The following ATP8A2 variants were observed in gnomAD, a reference collection of about 807,000 sequenced individuals.
ATP8A2 encodes the protein ATPase phospholipid transporting 8A2.
ATP8A2 carries 100 observed loss-of-function variants against 165.6 expected under a neutral mutation model. The ratio of observed to expected loss-of-function variants is 0.60; its 90% CI spans 0.51 to 0.71. ATP8A2 has a LOEUF of 0.71. Ranked by LOEUF, ATP8A2 falls within the 30% of genes least tolerant of loss-of-function variation. The pLI, the probability that ATP8A2 is intolerant of heterozygous loss-of-function variation, is 0.00. For synonymous variants in ATP8A2, 543 were observed against 548.8 expected (o/e 0.99, Z 0.15); for missense variants, 1,227 against 1,479.5 (o/e 0.83, Z 2.80).
chr13:25,570,495 G>C (rs1260054359), intron 16 of ATP8A2, among the ~76,000 whole-genome samples: 4 of 152,200 alleles, frequency 2.6e-5, no homozygotes, highest in Non-Finnish European at 1.5e-5. Flanking sequence ...GTACAGGAAG[G>C]CTCTTTCGTC....
chr13:25,622,773 C>T (rs2041004140), intron 24 of ATP8A2, among the ~76,000 whole-genome samples: 1 of 152,114 alleles, frequency 6.6e-6, no homozygotes, highest in South Asian at 2.1e-4. Context: ...CAAGATATCT[C>T]ATAATGTATA....
At chr13:25,402,509 CA>C in intron 1 of ATP8A2, among the ~76,000 whole-genome samples, 1 of 152,170 alleles carries the variant, frequency 6.6e-6, no homozygotes, top group Non-Finnish European at 1.5e-5. Flanking sequence ...TGTGCCCTGG[CA>C]CTGGCTCCTG....
At chr13:25,998,637 C>T (rs1171515925) in intron 35 of ATP8A2, among the ~76,000 whole-genome samples, 1 of 152,192 alleles carries the variant, frequency 6.6e-6, no homozygotes, top group African/African-American at 2.4e-5. Context: ...CAGAGGAAAT[C>T]AAGCACTGTG....
At chr13:25,718,614 A>G (rs1225389853) in intron 25 of ATP8A2, among the ~76,000 whole-genome samples, 1 of 152,168 alleles carries the variant, frequency 6.6e-6, no homozygotes, top group Non-Finnish European at 1.5e-5. Flanking sequence ...GTACTGAAAA[A>G]CAGAATGCTA....
In ATP8A2 at chr13:26,012,551, T is replaced by C; in HGVS notation, c.3398T>C (p.Leu1133Pro). ...CGCAGGCTGAACGAGCGCGACCGCC[T>C]GATCAAGAGGCTGGGCCGGAAGACG... The part of the protein sequence containing the change: ...NGKRLNERDR[L>P]IKRLGRKTPP... Residue 1133 changes from leucine (L) to proline (P), a missense_variant, in exon 36 of 37, where the codon CTG becomes CCG. Physicochemically the swap from Leu to Pro is moderately conservative, Grantham distance 98 (BLOSUM62 -3). This residue lies in a region of ATP8A2 where 260 missense variants were observed against 245.1 expected (regional missense o/e 1.06). Transcript: ENST00000381655. 6.5e-7 allele frequency: 1 copy of C among 1,539,544 alleles called. No homozygotes were observed. The highest frequency in any genetic ancestry group is 8.8e-7 in the Non-Finnish European group (1 of 1,141,994).
At chr13:25,738,917 T>A (rs1206328554) in intron 25 of ATP8A2, among the ~76,000 whole-genome samples, 1 of 148,830 alleles carries the variant, frequency 6.7e-6, no homozygotes, top group East Asian at 2.1e-4. Context: ...TGTACATTAT[T>A]GTGATGGTAA....
intron 1 of ATP8A2, among the ~76,000 whole-genome samples, chr13:25,452,526 C>A (rs1046757321): frequency 1.3e-5 from 2 of 151,898 alleles, no homozygotes; most frequent in East Asian, 3.9e-4. Flanking sequence ...AGATTGATAC[C>A]CCGTTTCAGG....
At chr13:25,383,037 G>A (rs1193964074) in intron 1 of ATP8A2, among the ~76,000 whole-genome samples, 1 of 148,656 alleles carries the variant, frequency 6.7e-6, no homozygotes, top group African/African-American at 2.5e-5. Flanking sequence ...TTACAGGTGT[G>A]AGCCACCACA....
intron 27 of ATP8A2, among the ~76,000 whole-genome samples, chr13:25,804,064 A>T (rs568655966): frequency 2.6e-5 from 4 of 152,374 alleles, no homozygotes; most frequent in Admixed American, 2.6e-4. Context: ...AAAGCACATT[A>T]GCAATAATAT....
At chr13:25,922,301 A>C (rs1213402833) in intron 33 of ATP8A2, among the ~76,000 whole-genome samples, 1 of 152,244 alleles carries the variant, frequency 6.6e-6, no homozygotes, top group African/African-American at 2.4e-5. Flanking sequence ...GCAGGGCCCC[A>C]GGTGGATTTA....
At chr13:25,585,051 G>GA (rs1224674038) in intron 23 of ATP8A2, among the ~76,000 whole-genome samples, 3 of 151,728 alleles carry the variant, frequency 2.0e-5, no homozygotes, top group Non-Finnish European at 4.4e-5. Context: ...TCATACCTTA[G>GA]AAAAAAAACA....
chr13:25,707,130 G>A (rs763386663), intron 25 of ATP8A2, among the ~76,000 whole-genome samples: 7 of 152,016 alleles, frequency 4.6e-5, no homozygotes, highest in Non-Finnish European at 5.9e-5. Context: ...AATAGCTCAC[G>A]TGAATCATTG....
intron 26 of ATP8A2, among the ~76,000 whole-genome samples, chr13:25,772,828 A>G (rs7332047): frequency 0.16 from 24,763 of 151,738 alleles, 2,197 homozygotes; most frequent in Admixed American, 0.23. Flanking sequence ...ATCTCGGCTC[A>G]CTGCAGCCTC....
chr13:25,491,635 G>T (rs1306715578), intron 2 of ATP8A2, among the ~76,000 whole-genome samples: 2 of 152,072 alleles, frequency 1.3e-5, no homozygotes, highest in African/African-American at 4.8e-5. Context: ...GACCACGTGG[G>T]GTTTTTTACA....
At chr13:25,946,660 A>C (rs1955222030) in intron 33 of ATP8A2, among the ~76,000 whole-genome samples, 1 of 152,246 alleles carries the variant, frequency 6.6e-6, no homozygotes, top group Non-Finnish European at 1.5e-5. Flanking sequence ...CTGTGGCATT[A>C]CATCTCAAAA....
intron 33 of ATP8A2, among the ~76,000 whole-genome samples, chr13:25,907,604 C>G (rs769265505): frequency 1.7e-4 from 26 of 152,160 alleles, no homozygotes; most frequent in Non-Finnish European, 3.4e-4. Flanking sequence ...CTTTAAGGGT[C>G]CTTTCAACTG....
rs1184668206 is a variant in ATP8A2, at chr13:25,875,562, T to A, written c.3183+13154T>A. Among the ~76,000 whole-genome samples, 6 of 151,866 alleles carry A rather than the reference T, an allele frequency of 4.0e-5. No homozygotes were observed. The East Asian group carries it at 1.2e-3, about 29-fold the overall frequency. On this transcript the variant is annotated intron_variant, in intron 33 of 36. Coordinates refer to ENST00000381655, the MANE Select transcript of ATP8A2 (RefSeq NM_016529.6). The stretch of plus-strand genomic sequence containing the variant: ...ATAATTGTATAAATTACACACAGGA[T>A]CTGCACCTAAGAAGTGATTAATAGA...
chr13:25,988,146 CTG>C (rs1242751159), intron 35 of ATP8A2, among the ~76,000 whole-genome samples: 1 of 152,224 alleles, frequency 6.6e-6, no homozygotes, highest in African/African-American at 2.4e-5. Flanking sequence ...AGGTTGGTGA[CTG>C]AGAAGGGTCC....
At chr13:25,577,023 T>A (rs776601084) in intron 19 of ATP8A2, 46 bp from the exon 20 acceptor site, 2 of 1,503,596 alleles carry the variant, frequency 1.3e-6, no homozygotes, top group Admixed American at 1.7e-5. Flanking sequence ...GGGATATGCA[T>A]CCTGTAAACA....
Sources: allele counts gnomAD v4.1 joint callset (sites outside exome capture counted in the v4.1 genomes callset), GRCh38; gene constraint gnomAD v4.1.1; regional missense constraint gnomAD v4.1.1; transcripts MANE v1.5; gene names NCBI Gene and HGNC (gene_info 2026-07-23, HGNC 2026-07-21).